Variants in BMP5 observed in about 807,000 individuals in gnomAD.
BMP5 encodes the protein bone morphogenetic protein 5.
A neutral mutation model predicts 46.6 loss-of-function variants in BMP5; 23 were observed. That is an observed-to-expected ratio of 0.49 (90% CI 0.35 to 0.70). The LOEUF is 0.70. BMP5 is among the 30% of genes least tolerant of loss of function. The pLI, the probability that BMP5 is intolerant of heterozygous loss-of-function variation, is 0.00. For missense variants in BMP5, 545 were observed against 565.6 expected (o/e 0.96, Z 0.37); for synonymous variants, 204 against 191.9 (o/e 1.06, Z -0.52).
Position 55,794,353 on chromosome 6 carries a change from G to T in BMP5, c.758C>A (p.Thr253Asn). 1 of 1,613,990 alleles carries T rather than the reference G, an allele frequency of 6.2e-7. No homozygotes were observed. Among genetic ancestry groups the T allele is most frequent in the South Asian group, 1.1e-5 (1 of 91,078 alleles). ...AATCACCCAATGATTGCTGGTCACAGTGATATCAAAGACAAGCCAACCCAC... is the reference window on the plus strand; with the variant it reads ...AATCACCCAATGATTGCTGGTCACATTGATATCAAAGACAAGCCAACCCAC... ...LDVGWLVFDI[T>N]VTSNHWVINP... The change falls in exon 3 of 7, where the codon ACT (threonine) becomes AAT (asparagine). Residue 253 changes from threonine to asparagine, a missense_variant. Coordinates refer to ENST00000370830, the MANE Select transcript of BMP5 (RefSeq NM_021073.4).
At chr6:55,763,599 C>A (rs961086112) in intron 4 of BMP5, among the ~76,000 whole-genome samples, 1 of 152,112 alleles carries the variant, frequency 6.6e-6, no homozygotes, top group Non-Finnish European at 1.5e-5. Flanking sequence ...TACTGATGGG[C>A]AGCCTTTAGG....
At chr6:55,843,586 C>T (rs1362262943) in intron 1 of BMP5, among the ~76,000 whole-genome samples, 2 of 151,832 alleles carry the variant, frequency 1.3e-5, no homozygotes, top group Non-Finnish European at 2.9e-5. Flanking sequence ...TAAGCACACT[C>T]ATTTAGGAAT....
chr6:55,767,165 T>C (rs543784432), intron 4 of BMP5, among the ~76,000 whole-genome samples: 2 of 152,116 alleles, frequency 1.3e-5, no homozygotes, highest in East Asian at 3.9e-4. Flanking sequence ...ATTGCTAATA[T>C]AGATTAGCCA....
At chr6:55,833,282 T>C (rs767880518) in intron 1 of BMP5, among the ~76,000 whole-genome samples, 2 of 152,184 alleles carry the variant, frequency 1.3e-5, no homozygotes, top group Non-Finnish European at 2.9e-5. Context: ...TGCTCTTGTA[T>C]AGAAACAGCC....
chr6:55,798,802 T>C (rs61504599), intron 2 of BMP5, among the ~76,000 whole-genome samples: 2,914 of 152,284 alleles, frequency 0.019, 87 homozygotes, highest in African/African-American at 0.066. Context: ...ACATGGGCTA[T>C]TGGTATGTTT....
At chr6:55,833,172 A>T (rs1040392635) in intron 1 of BMP5, among the ~76,000 whole-genome samples, 8 of 152,162 alleles carry the variant, frequency 5.3e-5, no homozygotes, top group Admixed American at 2.0e-4. Flanking sequence ...ACTAGGGAGC[A>T]TTTTCAGTAA....
rs575905905 is a variant in BMP5, at chr6:55,845,848, A to T, written c.491-26001T>A. 5.3e-5 allele frequency among the ~76,000 whole-genome samples: 8 copies of T among 152,086 alleles called. No homozygotes were observed. The East Asian group carries it at 1.5e-3, about 29-fold the overall frequency. On this transcript the variant is annotated intron_variant, in intron 1 of 6. Transcript: ENST00000370830. ...CAGGTATTCTTAACTCCTTATTCCCATACTTTTATAGAGGAAGGTATTTGG... is the reference window on the plus strand; with the variant it reads ...CAGGTATTCTTAACTCCTTATTCCCTTACTTTTATAGAGGAAGGTATTTGG...
intron 3 of BMP5, among the ~76,000 whole-genome samples, chr6:55,779,953 G>A (rs1039576060): frequency 6.6e-6 from 1 of 151,896 alleles, no homozygotes; most frequent in Non-Finnish European, 1.5e-5. Context: ...TAACTGTAGA[G>A]AACAGGATAA....
chr6:55,838,964 T>C (rs973676172), intron 1 of BMP5, among the ~76,000 whole-genome samples: 2 of 152,194 alleles, frequency 1.3e-5, no homozygotes, highest in Non-Finnish European at 2.9e-5. Flanking sequence ...TATAATTGGA[T>C]GAGTTTGAAT....
chr6:55,810,320 T>C (rs1582083540), intron 2 of BMP5, among the ~76,000 whole-genome samples: 2 of 152,272 alleles, frequency 1.3e-5, no homozygotes. Context: ...TTAGATGCAA[T>C]TGAATGAAAA....
rs145037639 is a variant in BMP5, at chr6:55,796,627, T to C, written c.684-2200A>G. On this transcript the variant is annotated intron_variant, in intron 2 of 6. Coordinates refer to ENST00000370830, the MANE Select transcript of BMP5 (RefSeq NM_021073.4). ...AACTCGTCATCTAGCATTAGGTATA[T>C]CTCCCAATGCTATCCCTTCCCCCTC... 6.5e-3 allele frequency among the ~76,000 whole-genome samples: 981 copies of C among 151,542 alleles called. 10 individuals carry two copies. The highest frequency in any genetic ancestry group is 0.022 in the African/African-American group (925 of 41,228).
chr6:55,763,865 A>C (rs1456933257), intron 4 of BMP5, among the ~76,000 whole-genome samples: 2 of 152,170 alleles, frequency 1.3e-5, no homozygotes, highest in African/African-American at 4.8e-5. Context: ...CAATTTCTAG[A>C]TATTGTATAA....
At chr6:55,760,590 C>A in intron 4 of BMP5, 57 bp from the exon 5 acceptor site, 2 of 1,433,216 alleles carry the variant, frequency 1.4e-6, no homozygotes, top group East Asian at 4.6e-5. Context: ...ACTAATACTT[C>A]TTTTGTGAGA....
intron 1 of BMP5, among the ~76,000 whole-genome samples, chr6:55,852,162 T>C (rs931757231): frequency 6.6e-6 from 1 of 152,140 alleles, no homozygotes; most frequent in African/African-American, 2.4e-5. Flanking sequence ...ATTATAGCAA[T>C]ATATAAAATA....
chr6:55,840,115 G>T (rs1004449346), intron 1 of BMP5, among the ~76,000 whole-genome samples: 3 of 151,820 alleles, frequency 2.0e-5, no homozygotes, highest in Non-Finnish European at 2.9e-5. Context: ...AACACGTTTT[G>T]TTAAATTTAT....
At chr6:55,832,233 G>C (rs957833588) in intron 1 of BMP5, among the ~76,000 whole-genome samples, 1 of 152,104 alleles carries the variant, frequency 6.6e-6, no homozygotes, top group African/African-American at 2.4e-5. Flanking sequence ...CTTCTCCCCA[G>C]TGAATTTTTG....
At chr6:55,869,506 G>A (rs1777730155) in intron 1 of BMP5, among the ~76,000 whole-genome samples, 1 of 151,942 alleles carries the variant, frequency 6.6e-6, no homozygotes, top group Non-Finnish European at 1.5e-5. Context: ...TCATGGAAGT[G>A]ACAGAATATT....
At chr6:55,811,172 G>A (rs536950215) in intron 2 of BMP5, among the ~76,000 whole-genome samples, 12 of 152,200 alleles carry the variant, frequency 7.9e-5, no homozygotes, top group Admixed American at 5.2e-4. Context: ...AAGTATGTCC[G>A]CAGAAGAATC....
chr6:55,772,790 A>G, intron 4 of BMP5: 1 of 985,184 alleles, frequency 1.0e-6, no homozygotes, highest in Non-Finnish European at 1.2e-6. Flanking sequence ...AATTCCATAC[A>G]GAAATCTTCC....
Sources: gnomAD v4.1 joint callset for allele counts (sites outside exome capture counted in the v4.1 genomes callset) on GRCh38, gnomAD v4.1.1 for gene constraint, MANE v1.5 for transcripts, NCBI Gene and HGNC (gene_info 2026-07-23, HGNC 2026-07-21) for gene names.